Variants in FSTL5 observed in about 807,000 individuals in gnomAD.
FSTL5 encodes the protein follistatin-related protein 5.
Under a neutral mutation model 89.1 loss-of-function variants are expected in FSTL5, and 62 were observed. That is an observed-to-expected ratio of 0.70 (90% CI 0.57 to 0.86). The LOEUF (loss-of-function observed/expected upper bound fraction) is 0.86. Among genes scored for constraint, FSTL5 ranks in the 40% least tolerant of loss-of-function variants. The pLI is 0.00. For synonymous variants in FSTL5, 383 were observed against 346.2 expected (o/e 1.11, Z -1.18); for missense variants, 1,057 against 1,001.6 (o/e 1.06, Z -0.75).
intron 8 of FSTL5, among the ~76,000 whole-genome samples, chr4:161,586,162 G>A (rs1215402931): frequency 6.6e-6 from 1 of 152,064 alleles, no homozygotes; most frequent in Admixed American, 6.6e-5. Flanking sequence ...TCAGATCCAA[G>A]GCTCAATCCT....
intron 4 of FSTL5, among the ~76,000 whole-genome samples, chr4:161,890,998 C>T (rs1293598582): frequency 6.6e-6 from 1 of 152,038 alleles, no homozygotes; most frequent in Non-Finnish European, 1.5e-5. Flanking sequence ...GCTGGTTCTG[C>T]CTGATTTCTT....
chr4:161,924,276 T>C (rs1201288884), intron 3 of FSTL5, among the ~76,000 whole-genome samples: 4 of 151,392 alleles, frequency 2.6e-5, no homozygotes, highest in South Asian at 4.1e-4. Context: ...AGACTAAACA[T>C]ACCAAGCAAT....
intron 3 of FSTL5, among the ~76,000 whole-genome samples, chr4:161,922,119 A>C (rs1734010166): frequency 6.6e-6 from 1 of 152,020 alleles, no homozygotes; most frequent in Admixed American, 6.6e-5. Context: ...TTAAAAACTA[A>C]TTTATATTTC....
At chr4:161,427,835 A>G (rs1412517831) in intron 15 of FSTL5, among the ~76,000 whole-genome samples, 1 of 152,242 alleles carries the variant, frequency 6.6e-6, no homozygotes, top group Non-Finnish European at 1.5e-5. Context: ...ATGGTTGAAT[A>G]GAAGCCTTCA....
At chr4:162,067,361 G>T (rs563486658) in intron 2 of FSTL5, among the ~76,000 whole-genome samples, 1 of 151,908 alleles carries the variant, frequency 6.6e-6, no homozygotes, top group Non-Finnish European at 1.5e-5. Flanking sequence ...CCTATTCTTT[G>T]TTTTCTTATT....
chr4:161,731,996 T>A (rs1178027354), intron 6 of FSTL5, among the ~76,000 whole-genome samples: 1 of 152,080 alleles, frequency 6.6e-6, no homozygotes, highest in East Asian at 1.9e-4. Context: ...TTTTTCATCT[T>A]CATTCTTCTT....
chr4:162,084,901 A>G (rs764223114), intron 2 of FSTL5, among the ~76,000 whole-genome samples: 6 of 152,064 alleles, frequency 3.9e-5, no homozygotes, highest in Non-Finnish European at 8.8e-5. Flanking sequence ...CTGCATATGT[A>G]CCCCAGAACT....
chr4:161,757,366 GCACA>G lies in FSTL5; in HGVS notation c.727+2041_727+2044del, dbSNP rs151056476. Among the ~76,000 whole-genome samples the G allele has an allele frequency of 3.5e-3, 511 of 148,062 alleles. 5 individuals are homozygous for G. The highest frequency in any genetic ancestry group is 0.012 in the African/African-American group (470 of 40,560). On this transcript the variant is annotated intron_variant, in intron 6 of 15. Transcript: ENST00000306100. ...GATAGTATCATTCATACCGACATAT[GCACA>G]CACACACACACACACACATTATTAT...
intron 2 of FSTL5, among the ~76,000 whole-genome samples, chr4:162,095,856 A>G (rs1730729288): frequency 6.6e-6 from 1 of 152,010 alleles, no homozygotes. Context: ...TAAAATACAC[A>G]CGTTACATGT....
intron 10 of FSTL5, among the ~76,000 whole-genome samples, chr4:161,518,449 C>T (rs1235330543): frequency 6.6e-6 from 1 of 152,022 alleles, no homozygotes; most frequent in Non-Finnish European, 1.5e-5. Flanking sequence ...AAGAAGAGTC[C>T]ACACAACCCA....
At chr4:161,870,273 T>C (rs1000143844) in intron 4 of FSTL5, among the ~76,000 whole-genome samples, 1 of 152,132 alleles carries the variant, frequency 6.6e-6, no homozygotes, top group East Asian at 1.9e-4. Flanking sequence ...TGTCTGTCTT[T>C]TCACAAGAGT....
chr4:161,677,279 G>A (rs77840997), intron 6 of FSTL5, among the ~76,000 whole-genome samples: 1 of 151,876 alleles, frequency 6.6e-6, no homozygotes, highest in Admixed American at 6.6e-5. Context: ...GAGCCCGAGA[G>A]AGAGAGAGGG....
intron 4 of FSTL5, among the ~76,000 whole-genome samples, chr4:161,811,460 C>G (rs1389901625): frequency 1.3e-5 from 2 of 152,048 alleles, no homozygotes; most frequent in Non-Finnish European, 2.9e-5. Context: ...CTACACACAT[C>G]AAAATTGAAT....
At chr4:161,993,930 G>A (rs964793970) in intron 3 of FSTL5, among the ~76,000 whole-genome samples, 6 of 152,038 alleles carry the variant, frequency 3.9e-5, no homozygotes, top group Non-Finnish European at 7.4e-5. Context: ...GAGGGTACAC[G>A]TGGAGGTTTG....
rs564390040 is a variant in FSTL5 at position 162,045,937 on chromosome 4, T to A, written c.127-12279A>T. Among the ~76,000 whole-genome samples, 348 of 150,264 alleles carry A rather than the reference T, an allele frequency of 2.3e-3. 2 individuals are homozygous for A. Among genetic ancestry groups the A allele is most frequent in the African/African-American group, 7.6e-3 (317 of 41,494 alleles). ...ATTTTACAATATTTTACGAGTTTTT[T>A]AAGAGGATAATGAGGAAGACAGCAT... On this transcript the variant is annotated intron_variant, in intron 2 of 15. Transcript: ENST00000306100.
intron 7 of FSTL5, among the ~76,000 whole-genome samples, chr4:161,622,347 CAG>C (rs1735164744): frequency 6.6e-6 from 1 of 151,916 alleles, no homozygotes; most frequent in South Asian, 2.1e-4. Context: ...TTTTGTAAAA[CAG>C]AGGAAGAAGG....
intron 1 of FSTL5, among the ~76,000 whole-genome samples, chr4:162,115,784 T>C (rs2111419129): frequency 6.6e-6 from 1 of 152,290 alleles, no homozygotes; most frequent in Non-Finnish European, 1.5e-5. Flanking sequence ...AATCAAGCCA[T>C]TTTTATTTTC....
At chr4:161,489,688 ATAAT>A (rs1256906155) in intron 12 of FSTL5, among the ~76,000 whole-genome samples, 1 of 152,146 alleles carries the variant, frequency 6.6e-6, no homozygotes, top group Non-Finnish European at 1.5e-5. Context: ...ACTAAAGAAA[ATAAT>A]TACCACATAA....
intron 6 of FSTL5, among the ~76,000 whole-genome samples, chr4:161,686,751 A>T (rs2126715052): frequency 6.6e-6 from 1 of 152,056 alleles, no homozygotes; most frequent in Non-Finnish European, 1.5e-5. Flanking sequence ...TGTTTTTCTC[A>T]TTTCCATCTC....
Sources: allele counts gnomAD v4.1 joint callset (sites outside exome capture counted in the v4.1 genomes callset), GRCh38; gene constraint gnomAD v4.1.1; transcripts MANE v1.5; gene names NCBI Gene and HGNC (gene_info 2026-07-23, HGNC 2026-07-21).